Variants in PPP1R12B observed in about 807,000 individuals in gnomAD.
PPP1R12B encodes the protein myosin phosphatase target subunit 2.
PPP1R12B carries 76 observed loss-of-function variants against 126.1 expected under a neutral mutation model. The ratio of observed to expected loss-of-function variants is 0.60; its 90% CI spans 0.50 to 0.73. PPP1R12B has a LOEUF of 0.73. PPP1R12B is among the 30% of genes least tolerant of loss of function. The pLI is 0.00. For synonymous variants in PPP1R12B, 356 were observed against 434.7 expected, an observed-to-expected ratio of 0.82 and a Z score of 2.25; for missense variants, 1,052 against 1,205.1, an observed-to-expected ratio of 0.87 and a Z score of 1.88.
intron 8 of PPP1R12B, among the ~76,000 whole-genome samples, chr1:202,432,935 C>G (rs1372063275): frequency 2.0e-5 from 3 of 152,206 alleles, no homozygotes; most frequent in African/African-American, 7.2e-5. Context: ...GATATGATTT[C>G]TCTCCATGAT....
chr1:202,360,583 C>A (rs1657981910), intron 1 of PPP1R12B, among the ~76,000 whole-genome samples: 2 of 151,862 alleles, frequency 1.3e-5, no homozygotes, highest in Admixed American at 1.3e-4. Flanking sequence ...GTGGTGGACA[C>A]CTGTAATCCC....
intron 1 of PPP1R12B, among the ~76,000 whole-genome samples, chr1:202,411,639 C>A (rs1450387615): frequency 1.3e-5 from 2 of 151,440 alleles, no homozygotes; most frequent in African/African-American, 4.9e-5. Context: ...TACACTGTTG[C>A]CTTAACAACA....
intron 18 of PPP1R12B, among the ~76,000 whole-genome samples, chr1:202,536,721 C>T (rs1177798217): frequency 6.6e-6 from 1 of 152,068 alleles, no homozygotes; most frequent in Non-Finnish European, 1.5e-5. Flanking sequence ...CAAACACATA[C>T]AGCTGTACAA....
intron 18 of PPP1R12B, among the ~76,000 whole-genome samples, chr1:202,554,694 G>A (rs1686700698): frequency 6.6e-6 from 1 of 151,992 alleles, no homozygotes; most frequent in Admixed American, 6.6e-5. Context: ...TTGTCTGCTG[G>A]ATCACTCATC....
At chr1:202,538,229 A>T (rs1684750940) in intron 18 of PPP1R12B, among the ~76,000 whole-genome samples, 1 of 152,178 alleles carries the variant, frequency 6.6e-6, no homozygotes, top group East Asian at 1.9e-4. Context: ...TCTTGACCTC[A>T]TGTGATCCAC....
intron 1 of PPP1R12B, among the ~76,000 whole-genome samples, chr1:202,381,700 C>T (rs1045529358): frequency 2.0e-5 from 3 of 152,128 alleles, no homozygotes; most frequent in Admixed American, 2.0e-4. Context: ...GAAAGGATAT[C>T]TACAAATAAT....
At chr1:202,459,639 T>A (rs1674066475) in intron 13 of PPP1R12B, among the ~76,000 whole-genome samples, 1 of 152,202 alleles carries the variant, frequency 6.6e-6, no homozygotes, top group Non-Finnish European at 1.5e-5. Flanking sequence ...GCTGAGGCCC[T>A]AAGAGCATAG....
rs564035176 is a variant in PPP1R12B at position 202,364,793 on chromosome 1, A to T, written c.291+15651A>T. Among the ~76,000 whole-genome samples, 3 of 151,940 alleles carry T rather than the reference A, an allele frequency of 2.0e-5. No individual in the cohort carries two copies. In the South Asian group the frequency reaches 6.2e-4, roughly 32 times the overall value. ...GGGTTTCACTGTGTTAGCCAGGATG[A>T]TCTCGATCTCCTGACCTCGTGATGG... On this transcript the variant is annotated intron_variant, in intron 1 of 23. Coordinates refer to ENST00000608999, the MANE Select transcript of PPP1R12B (RefSeq NM_002481.4).
At chr1:202,538,922 T>G (rs1684825736) in intron 18 of PPP1R12B, among the ~76,000 whole-genome samples, 1 of 152,178 alleles carries the variant, frequency 6.6e-6, no homozygotes, top group Admixed American at 6.5e-5. Flanking sequence ...CACTTTCCAT[T>G]GTCATTTTCC....
intron 23 of PPP1R12B, among the ~76,000 whole-genome samples, chr1:202,570,627 C>T (rs575623633): frequency 3.1e-4 from 47 of 152,266 alleles, no homozygotes; most frequent in Admixed American, 1.2e-3. Context: ...TTTTTTCAAA[C>T]GCACCTTACT....
chr1:202,565,815 G>A lies in PPP1R12B; in HGVS notation c.2757+1268G>A, dbSNP rs976612233. 2.6e-5 allele frequency among the ~76,000 whole-genome samples: 4 copies of A among 150,994 alleles called. No individual in the cohort carries two copies. The highest frequency in any genetic ancestry group is 9.8e-5 in the African/African-American group (4 of 40,996). ...AAAGTAGGTTTCTAAATCTAAAAGA[G>A]AAAAATACACACATAGCTATAGCCC... On this transcript the variant is annotated intron_variant, in intron 21 of 23. Transcript: ENST00000608999. This position sits in a 1 kb window ranked among gnomAD's most constrained non-coding sequence, Gnocchi z 4.3.
chr1:202,416,479 T>G (rs1012930481), intron 1 of PPP1R12B, among the ~76,000 whole-genome samples: 3 of 139,312 alleles, frequency 2.2e-5, no homozygotes, highest in Non-Finnish European at 4.5e-5. Context: ...TGAGCTGAGA[T>G]CATGCCATTG....
chr1:202,534,938 T>TA (rs1684377361), intron 18 of PPP1R12B, among the ~76,000 whole-genome samples: 1 of 152,240 alleles, frequency 6.6e-6, no homozygotes, highest in Non-Finnish European at 1.5e-5. Flanking sequence ...TTTGGATTCT[T>TA]ACATATATTT....
chr1:202,442,566 T>C lies in PPP1R12B; in HGVS notation c.1661T>C (p.Leu554Ser). Residue 554 changes from leucine (L) to serine (S), a missense_variant, in exon 12 of 24, where the codon TTG (leucine) becomes TCG (serine). Leu to Ser is a moderately radical substitution (Grantham distance 145). Coordinates refer to ENST00000608999, the MANE Select transcript of PPP1R12B (RefSeq NM_002481.4). ...CCCTCCACCTATGTATCAACTTACT[T>C]GAAAAGGTACCAGGCTCAAAGGGGG... Reference protein sequence around the residue: ...IAPSTYVSTYLKRTPHKSQAD... With the variant: ...IAPSTYVSTYSKRTPHKSQAD... 1 of 1,611,580 alleles carries C rather than the reference T, an allele frequency of 6.2e-7. No homozygotes were observed. The highest frequency in any genetic ancestry group is 1.1e-5 in the South Asian group (1 of 90,654).
At chr1:202,421,950 A>C (rs1385436013) in intron 2 of PPP1R12B, among the ~76,000 whole-genome samples, 1 of 152,222 alleles carries the variant, frequency 6.6e-6, no homozygotes, top group African/African-American at 2.4e-5. Context: ...TCATGGTAAT[A>C]ATACCCACAT....
intron 13 of PPP1R12B, among the ~76,000 whole-genome samples, chr1:202,467,052 T>C (rs1445793739): frequency 1.3e-5 from 2 of 152,088 alleles, no homozygotes; most frequent in East Asian, 3.9e-4. Context: ...CAGGCCCTCC[T>C]AACTGGGCCT....
chr1:202,526,777 G>A lies in PPP1R12B; in HGVS notation c.2490+29955G>A, dbSNP rs117989186. 7.2e-5 allele frequency among the ~76,000 whole-genome samples: 11 copies of A among 152,220 alleles called. No individual in the cohort carries two copies. The East Asian group carries it at 2.1e-3, about 29-fold the overall frequency. Reference sequence around the variant, plus strand: ...GGAGGGGTTATAGTTTTTTGTAATGGCAACAAAAAGTTAGCTGAAGAAGAA... The same window carrying A: ...GGAGGGGTTATAGTTTTTTGTAATGACAACAAAAAGTTAGCTGAAGAAGAA... On this transcript the variant is annotated intron_variant, in intron 18 of 23. Coordinates refer to ENST00000608999, the MANE Select transcript of PPP1R12B (RefSeq NM_002481.4).
intron 18 of PPP1R12B, chr1:202,527,410 AG>A (rs1230520748): frequency 6.6e-6 from 1 of 152,230 alleles, no homozygotes; most frequent in Non-Finnish European, 1.5e-5. Context: ...GAGCCCCATC[AG>A]GGAGGGTAAA....
chr1:202,408,983 G>T (rs1364458085), intron 1 of PPP1R12B, among the ~76,000 whole-genome samples: 1 of 149,402 alleles, frequency 6.7e-6, no homozygotes. Context: ...GATTACAGGC[G>T]CATGCCACCA....
Sources: gnomAD v4.1 joint callset for allele counts (sites outside exome capture counted in the v4.1 genomes callset) on GRCh38, gnomAD v4.1.1 for gene constraint, Gnocchi (gnomAD v3.1) non-coding constraint, MANE v1.5 for transcripts, NCBI Gene and HGNC (gene_info 2026-07-23, HGNC 2026-07-21) for gene names.